The following BTBD8 variants were observed in gnomAD, a reference collection of about 807,000 sequenced individuals.
BTBD8 encodes the protein BTB/POZ domain-containing protein 8.
Under a neutral mutation model 162.9 loss-of-function variants are expected in BTBD8, and 110 were observed. That is an observed-to-expected ratio of 0.68 (90% CI 0.58 to 0.79). The LOEUF is 0.79. Among genes scored for constraint, BTBD8 ranks in the 30% least tolerant of loss-of-function variants. The pLI is 0.00. For missense variants in BTBD8, 1,905 were observed against 2,085.4 expected, an observed-to-expected ratio of 0.91 and a Z score of 1.68; for synonymous variants, 667 against 716.1, an observed-to-expected ratio of 0.93 and a Z score of 1.10.
At chr1:92,084,967 C>T (rs1034406765) in intron 1 of BTBD8, among the ~76,000 whole-genome samples, 29 of 152,204 alleles carry the variant, frequency 1.9e-4, no homozygotes, top group African/African-American at 6.8e-4. Context: ...ACTTACCTTG[C>T]CTTAGTTCCC....
intron 5 of BTBD8, 85 bp downstream of exon 5, chr1:92,129,861 C>G: frequency 8.8e-7 from 1 of 1,138,416 alleles, no homozygotes; most frequent in African/African-American, 1.5e-5. Flanking sequence ...ATCTGATTTC[C>G]CTGGATGTTC....
intron 2 of BTBD8, among the ~76,000 whole-genome samples, chr1:92,097,206 A>G (rs1648476115): frequency 6.6e-6 from 1 of 151,906 alleles, no homozygotes; most frequent in African/African-American, 2.4e-5. Context: ...AGATCTCCTC[A>G]TCTAAACATG....
chr1:92,093,243 A>C (rs1648362669), intron 2 of BTBD8, among the ~76,000 whole-genome samples: 1 of 122,628 alleles, frequency 8.2e-6, no homozygotes, highest in Non-Finnish European at 1.6e-5. Context: ...CCTAGGTTGG[A>C]GTGCAATGGC....
Position 92,177,272 on chromosome 1 carries a change from C to G in BTBD8, c.2079C>G (p.Pro693=), listed in dbSNP as rs775453107. 6.4e-7 allele frequency: 1 copy of G among 1,551,980 alleles called. No individual in the cohort carries two copies. Among genetic ancestry groups the G allele is most frequent in the Non-Finnish European group, 8.7e-7 (1 of 1,147,060 alleles). The change falls in exon 14 of 18, where the codon CCC becomes CCG. Residue 693 remains proline (P), a synonymous_variant. Coordinates refer to ENST00000636805, the MANE Select transcript of BTBD8 (RefSeq NM_001376131.1). ...AAGGGCAAATTTCAGGTGCCAGACC[C>G]AAGGTACTCACAGGAAACTTAAATG... ...NQEGQISGAR[P]KVLTGNLNVQ...
intron 13 of BTBD8, among the ~76,000 whole-genome samples, chr1:92,173,178 G>A (rs997936988): frequency 2.0e-5 from 3 of 152,194 alleles, no homozygotes; most frequent in Non-Finnish European, 4.4e-5. Context: ...GCCCGCCTCG[G>A]CCTCCCAAAG....
At chr1:92,085,522 G>A (rs1648134349) in intron 1 of BTBD8, among the ~76,000 whole-genome samples, 1 of 152,048 alleles carries the variant, frequency 6.6e-6, no homozygotes, top group South Asian at 2.1e-4. Flanking sequence ...AACCTAGGAG[G>A]TAGAGGTGCA....
rs1650029034 is a variant in BTBD8, at chr1:92,150,916, G to A, written c.1122+3130G>A. On this transcript the variant is annotated intron_variant, in intron 9 of 17. Coordinates refer to ENST00000636805, the MANE Select transcript of BTBD8 (RefSeq NM_001376131.1). ...CGGTAATCAAAATGACATTATTCAC[G>A]AACCTCCTATGTATATATAAATACC... 2.0e-5 allele frequency: 3 copies of A among 152,124 alleles called. No individual in the cohort carries two copies. The South Asian group carries it at 6.2e-4, about 32-fold the overall frequency. The allele number at this position is 152,124 out of a possible 1,614,324, so 9.4% of individuals were successfully genotyped here. A position where few individuals can be genotyped will look rare whatever the true frequency, so the allele number is the denominator to read the frequency against.
chr1:92,114,294 A>G (rs1280735127), intron 4 of BTBD8, among the ~76,000 whole-genome samples: 2 of 152,094 alleles, frequency 1.3e-5, no homozygotes, highest in Non-Finnish European at 2.9e-5. Context: ...CAGATATCCA[A>G]TAAACTGCTA....
intron 7 of BTBD8, among the ~76,000 whole-genome samples, chr1:92,143,003 C>T (rs1269835714): frequency 6.6e-6 from 1 of 152,132 alleles, no homozygotes; most frequent in Non-Finnish European, 1.5e-5. Flanking sequence ...TAAATCTAGT[C>T]AGCAATGGGG....
intron 1 of BTBD8, among the ~76,000 whole-genome samples, chr1:92,081,511 T>G (rs776300311): frequency 1.9e-4 from 29 of 152,226 alleles, no homozygotes; most frequent in South Asian, 4.1e-4. Flanking sequence ...TGCTGCTGGC[T>G]AGGGTGACTA....
intron 17 of BTBD8, among the ~76,000 whole-genome samples, chr1:92,183,389 C>T (rs1208383530): frequency 6.6e-6 from 1 of 152,074 alleles, no homozygotes; most frequent in African/African-American, 2.4e-5. Context: ...TAAAGTTGTA[C>T]TTTTTCGTTT....
chr1:92,117,119 G>T, intron 4 of BTBD8, among the ~76,000 whole-genome samples: 1 of 151,710 alleles, frequency 6.6e-6, no homozygotes, highest in East Asian at 1.9e-4. Context: ...CAAATTGCTG[G>T]GATTACAGGT....
intron 2 of BTBD8, among the ~76,000 whole-genome samples, chr1:92,101,609 G>A (rs1253241927): frequency 1.3e-5 from 2 of 152,202 alleles, no homozygotes; most frequent in African/African-American, 2.4e-5. Flanking sequence ...CAGCAGCCAC[G>A]AATTCCATTT....
chr1:92,087,340 T>C (rs1052622280), intron 1 of BTBD8, among the ~76,000 whole-genome samples: 2 of 152,216 alleles, frequency 1.3e-5, no homozygotes, highest in South Asian at 2.1e-4. Flanking sequence ...AAAGAACAAA[T>C]TGAGTGTTTG....
At chr1:92,124,557 G>A (rs1195570505) in intron 4 of BTBD8, among the ~76,000 whole-genome samples, 1 of 152,164 alleles carries the variant, frequency 6.6e-6, no homozygotes, top group Admixed American at 6.5e-5. Flanking sequence ...CTCCAGGCTG[G>A]GTGAAAGAGC....
At chr1:92,123,776 CAAAAAAAAAA>C (rs529220915) in intron 4 of BTBD8, among the ~76,000 whole-genome samples, 3 of 84,494 alleles carry the variant, frequency 3.6e-5, no homozygotes, top group Non-Finnish European at 6.7e-5. Context: ...GACTCCGTCT[CAAAAAAAAAA>C]AAAAAAAAAA....
chr1:92,180,811 A>C lies in BTBD8; in HGVS notation c.3128A>C (p.Glu1043Ala). Reference protein sequence around the residue: ...KLDKSLKHELESKQICLDKSE... With the variant: ...KLDKSLKHELASKQICLDKSE... Reference sequence around the variant, plus strand: ...GATAAATCATTAAAACACGAACTGGAATCAAAACAGATTTGTTTAGATAAA... The same window carrying C: ...GATAAATCATTAAAACACGAACTGGCATCAAAACAGATTTGTTTAGATAAA... Residue 1043 changes from glutamate to alanine, a missense_variant, in exon 17 of 18, where the codon GAA (glutamate) becomes GCA (alanine). Physicochemically the swap from Glu to Ala is moderately radical, Grantham distance 107 (BLOSUM62 -1). This residue lies in a region of BTBD8 where 1,374 missense variants were observed against 1,442.7 expected (regional missense o/e 0.95). Transcript: ENST00000636805. 1 of 1,551,606 alleles carries C rather than the reference A, an allele frequency of 6.4e-7. No homozygotes were observed. Among genetic ancestry groups the C allele is most frequent in the Non-Finnish European group, 8.7e-7 (1 of 1,146,964 alleles).
At position 92,080,411 on chromosome 1, in the gene BTBD8, G is replaced by T. The variant is rs74924523; in HGVS notation, c.-161G>T. On this transcript the variant is annotated 5_prime_UTR_variant, in exon 1 of 18. Coordinates refer to ENST00000636805, the MANE Select transcript of BTBD8 (RefSeq NM_001376131.1). ...CTCCCCACCGCGGTCCGGCTTCTCT[G>T]GGAGACTGTCTACAAACCGACGAGA... 0.041 allele frequency: 43,942 copies of T among 1,064,468 alleles called. 1,108 individuals carry two copies. The highest frequency in any genetic ancestry group is 0.052 in the Middle Eastern group (164 of 3,166). 65.9% of individuals were successfully genotyped at this position (1,064,468 alleles called of 1,614,324 possible).
rs985446698 is a variant in BTBD8 at position 92,080,622 on chromosome 1, C to T, written c.51C>T (p.Ser17=). 4 of 1,613,816 alleles carry T rather than the reference C, an allele frequency of 2.5e-6. No homozygotes were observed. The highest frequency in any genetic ancestry group is 1.3e-5 in the African/African-American group (1 of 74,918). ...GSAAPMVLLG[S]AGVCSKGLQR... ...CGGCCCCCATGGTACTTCTGGGGTC[C>T]GCTGGAGTTTGCAGTAAGGGGTTGC... The change falls in exon 1 of 18, where the codon TCC becomes TCT. Residue 17 remains serine, a synonymous_variant. Coordinates refer to ENST00000636805, the MANE Select transcript of BTBD8 (RefSeq NM_001376131.1).
Sources: allele counts gnomAD v4.1 joint callset (sites outside exome capture counted in the v4.1 genomes callset), GRCh38; gene constraint gnomAD v4.1.1; regional missense constraint gnomAD v4.1.1; transcripts MANE v1.5; gene names NCBI Gene and HGNC (gene_info 2026-07-23, HGNC 2026-07-21).